The following CTNNA3 variants were observed in gnomAD, a reference collection of about 807,000 sequenced individuals.
CTNNA3 encodes the protein catenin alpha-3.
A neutral mutation model predicts 95.7 loss-of-function variants in CTNNA3; 76 were observed. That is an observed-to-expected ratio of 0.79 (90% CI 0.66 to 0.96). The LOEUF (loss-of-function observed/expected upper bound fraction) is 0.96. Ranked by LOEUF, CTNNA3 falls within the 40% of genes least tolerant of loss-of-function variation. The pLI is 0.00. For synonymous variants in CTNNA3, 431 were observed against 374.4 expected (o/e 1.15, Z -1.74); for missense variants, 1,191 against 1,089.8 (o/e 1.09, Z -1.31).
intron 16 of CTNNA3, among the ~76,000 whole-genome samples, chr10:65,967,132 A>G (rs1425383888): frequency 6.6e-6 from 1 of 151,184 alleles, no homozygotes; most frequent in Non-Finnish European, 1.5e-5. Flanking sequence ...AATTTTTTGT[A>G]TTTTTAGTAG....
chr10:66,131,066 CAA>C (rs571726484), intron 13 of CTNNA3, among the ~76,000 whole-genome samples: 18 of 113,736 alleles, frequency 1.6e-4, no homozygotes, highest in Middle Eastern at 4.8e-3. Flanking sequence ...AATTGCCTAC[CAA>C]AAAAAAAAAA....
At chr10:66,495,267 G>A (rs2456679) in intron 11 of CTNNA3, among the ~76,000 whole-genome samples, 23,419 of 151,850 alleles carry the variant, frequency 0.15, 3,646 homozygotes, top group East Asian at 0.77. Context: ...GCCAAACTCC[G>A]GGATTATTTT....
intron 7 of CTNNA3, among the ~76,000 whole-genome samples, chr10:66,901,135 C>T (rs1217390189): frequency 1.3e-5 from 2 of 152,226 alleles, no homozygotes; most frequent in South Asian, 2.1e-4. Flanking sequence ...AGAGAAAGGT[C>T]GGGTTACCCA....
chr10:67,308,071 T>C lies in CTNNA3; in HGVS notation c.580-88201A>G, dbSNP rs1248594139. ...TACATGTGTTCTCATAAAACTCCAA[T>C]CATTCATGTTCTCCATGACAGGAAA... is the stretch of plus-strand genomic sequence containing the variant. On this transcript the variant is annotated intron_variant, in intron 5 of 17. Transcript: ENST00000433211. Among the ~76,000 whole-genome samples the C allele has an allele frequency of 2.0e-5, 3 of 152,206 alleles. No individual in the cohort carries two copies. In the South Asian group the frequency reaches 6.2e-4, roughly 31 times the overall value.
intron 17 of CTNNA3, among the ~76,000 whole-genome samples, chr10:65,936,063 T>A (rs1452895940): frequency 6.6e-6 from 1 of 152,142 alleles, no homozygotes; most frequent in Admixed American, 6.6e-5. Flanking sequence ...GCTTTTCAAT[T>A]TATTGTTCAA....
intron 12 of CTNNA3, among the ~76,000 whole-genome samples, chr10:66,313,125 A>G (rs959287644): frequency 2.6e-5 from 4 of 152,172 alleles, no homozygotes; most frequent in African/African-American, 9.7e-5. Flanking sequence ...TCATTTACGG[A>G]GCACTTCCTA....
intron 9 of CTNNA3, among the ~76,000 whole-genome samples, chr10:66,664,776 T>C (rs1589092961): frequency 6.6e-6 from 1 of 152,040 alleles, no homozygotes; most frequent in Admixed American, 6.6e-5. Context: ...GAAATGCTCA[T>C]TGAAATAATG....
At position 66,709,474 on chromosome 10, in the gene CTNNA3, A is replaced by G. The variant is rs527300688; in HGVS notation, c.1281+56790T>C. 2.6e-5 allele frequency among the ~76,000 whole-genome samples: 4 copies of G among 152,180 alleles called. No homozygotes were observed. In the South Asian group the frequency reaches 8.3e-4, roughly 32 times the overall value. On this transcript the variant is annotated intron_variant, in intron 9 of 17. Transcript: ENST00000433211. Reference sequence around the variant, plus strand: ...GGCAATATGGAAAGCCCCATAAATTAGAGAGCTGCCAAATGGCTAAGGTTT... The same window carrying G: ...GGCAATATGGAAAGCCCCATAAATTGGAGAGCTGCCAAATGGCTAAGGTTT...
intron 9 of CTNNA3, among the ~76,000 whole-genome samples, chr10:66,757,304 A>ATATT (rs1839401232): frequency 6.6e-6 from 1 of 152,156 alleles, no homozygotes; most frequent in Non-Finnish European, 1.5e-5. Context: ...TAGATTAGGA[A>ATATT]GAATATTCAT....
intron 2 of CTNNA3, among the ~76,000 whole-genome samples, chr10:67,612,647 G>A (rs533741572): frequency 1.3e-5 from 2 of 152,260 alleles, no homozygotes; most frequent in African/African-American, 4.8e-5. Flanking sequence ...ATAGGTGATA[G>A]AAAATGAAAA....
At position 65,992,182 on chromosome 10, in the gene CTNNA3, C is replaced by A. The variant is rs193188438; in HGVS notation, c.2160-3385G>T. Among the ~76,000 whole-genome samples the A allele has an allele frequency of 2.5e-3, 377 of 152,070 alleles. 3 individuals carry two copies. Among genetic ancestry groups the A allele is most frequent in the African/African-American group, 8.6e-3 (357 of 41,536 alleles). On this transcript the variant is annotated intron_variant, in intron 15 of 17. Coordinates refer to ENST00000433211, the MANE Select transcript of CTNNA3 (RefSeq NM_013266.4). ...TTGTTGAGGGTTTTTGTGTCTCATTCATCATGGATATTGACCTGTAGTTTT... is the reference window on the plus strand; with the variant it reads ...TTGTTGAGGGTTTTTGTGTCTCATTAATCATGGATATTGACCTGTAGTTTT...
chr10:67,425,700 T>G (rs1845900307), intron 5 of CTNNA3, among the ~76,000 whole-genome samples: 1 of 152,048 alleles, frequency 6.6e-6, no homozygotes, highest in Non-Finnish European at 1.5e-5. Context: ...TCGAAGCTGA[T>G]ATCACTCACT....
intron 5 of CTNNA3, chr10:67,346,800 C>G (rs1170139946): frequency 2.6e-6 from 1 of 391,734 alleles, no homozygotes; most frequent in Non-Finnish European, 5.2e-6. Context: ...CAAGATCATT[C>G]CCTCATGAAC....
chr10:67,197,221 G>A (rs1196987880), intron 6 of CTNNA3, among the ~76,000 whole-genome samples: 2 of 151,984 alleles, frequency 1.3e-5, no homozygotes, highest in Non-Finnish European at 2.9e-5. Flanking sequence ...TGTCATTTCC[G>A]AGGTTTATGT....
chr10:66,853,509 C>A (rs1843571909), intron 7 of CTNNA3, among the ~76,000 whole-genome samples: 1 of 151,998 alleles, frequency 6.6e-6, no homozygotes, highest in Non-Finnish European at 1.5e-5. Context: ...ACAAATTTTC[C>A]ACCACAATAT....
At chr10:67,067,359 A>G (rs747027349) in intron 7 of CTNNA3, among the ~76,000 whole-genome samples, 8 of 152,206 alleles carry the variant, frequency 5.3e-5, no homozygotes, top group Non-Finnish European at 1.0e-4. Context: ...GCAAAAAGTT[A>G]CTAACCCTCC....
Position 66,661,691 on chromosome 10 carries a change from A to G in CTNNA3, c.1282-39907T>C, listed in dbSNP as rs533579263. Among the ~76,000 whole-genome samples, 25 of 152,272 alleles carry G rather than the reference A, an allele frequency of 1.6e-4. No homozygotes were observed. In the South Asian group the frequency reaches 5.2e-3, roughly 32 times the overall value. ...AAAAACCAACAACTATGTACAATGT[A>G]CACCTTGGCCACTATTGCTGGAAGG... On this transcript the variant is annotated intron_variant, in intron 9 of 17. Transcript: ENST00000433211.
intron 13 of CTNNA3, among the ~76,000 whole-genome samples, chr10:66,229,250 G>A (rs1388476576): frequency 3.9e-5 from 6 of 152,088 alleles, no homozygotes; most frequent in Non-Finnish European, 7.4e-5. Flanking sequence ...GCAGTATGGA[G>A]GTATTCTGTA....
rs2133086219 is a variant in CTNNA3, at chr10:65,913,662, T to C, written c.*6668A>G. ...ACATGATTTTTATAGTAGTTTAAAA[T>C]TAATTTTATGTTTAAATATTCAGGA... On this transcript the variant is annotated 3_prime_UTR_variant, in exon 18 of 18. Transcript: ENST00000433211. 6.6e-6 allele frequency: 1 copy of C among 152,280 alleles called. No individual in the cohort carries two copies. Among genetic ancestry groups the C allele is most frequent in the South Asian group, 2.1e-4 (1 of 4,828 alleles). The allele number at this position is 152,280 out of a possible 1,614,324, so 9.4% of individuals were successfully genotyped here.
Sources: allele counts gnomAD v4.1 joint callset (sites outside exome capture counted in the v4.1 genomes callset), GRCh38; gene constraint gnomAD v4.1.1; transcripts MANE v1.5; gene names NCBI Gene and HGNC (gene_info 2026-07-23, HGNC 2026-07-21).